The following RBKS variants were observed in gnomAD, a reference collection of about 807,000 sequenced individuals.
RBKS encodes the protein ribokinase.
A neutral mutation model predicts 33.9 loss-of-function variants in RBKS; 33 were observed. That is an observed-to-expected ratio of 0.97 (90% CI 0.74 to 1.30). The LOEUF (loss-of-function observed/expected upper bound fraction) is 1.30, where lower values mean the gene tolerates loss of function less well. RBKS is among the 50% of genes most tolerant of loss of function. RBKS has a pLI of 0.00. For missense variants in RBKS, 361 were observed against 392.6 expected, an observed-to-expected ratio of 0.92 and a Z score of 0.68; for synonymous variants, 125 against 143.0, an observed-to-expected ratio of 0.87 and a Z score of 0.90.
chr2:27,873,044 T>C (rs59526907), intron 1 of RBKS, among the ~76,000 whole-genome samples: 3,659 of 152,156 alleles, frequency 0.024, 173 homozygotes, highest in African/African-American at 0.084. Context: ...GCCAGGGTAA[T>C]GATGGAGCAC....
intron 1 of RBKS, among the ~76,000 whole-genome samples, chr2:27,874,473 A>C (rs1244967000): frequency 6.6e-6 from 1 of 152,244 alleles, no homozygotes; most frequent in Non-Finnish European, 1.5e-5. Flanking sequence ...TCAAGAACTG[A>C]TATCACTGGA....
intron 5 of RBKS, among the ~76,000 whole-genome samples, chr2:27,842,281 T>C (rs1203460875): frequency 2.0e-5 from 3 of 152,122 alleles, no homozygotes; most frequent in African/African-American, 7.2e-5. Flanking sequence ...AAAAGATGAA[T>C]CAAGATTAGC....
At chr2:27,864,876 C>T (rs1664058057) in intron 1 of RBKS, among the ~76,000 whole-genome samples, 1 of 152,188 alleles carries the variant, frequency 6.6e-6, no homozygotes, top group South Asian at 2.1e-4. Context: ...TGCACATGAC[C>T]TACTGACCTT....
At chr2:27,790,458 A>C (rs1573032308) in intron 7 of RBKS, among the ~76,000 whole-genome samples, 1 of 152,334 alleles carries the variant, frequency 6.6e-6, no homozygotes, top group East Asian at 1.9e-4. Flanking sequence ...AATTTATCCA[A>C]ATTTAAAGCC....
At chr2:27,867,372 A>G (rs909379836) in intron 1 of RBKS, among the ~76,000 whole-genome samples, 1 of 152,190 alleles carries the variant, frequency 6.6e-6, no homozygotes, top group Non-Finnish European at 1.5e-5. Flanking sequence ...CAATGGGGTG[A>G]GAACAGGGCA....
intron 7 of RBKS, among the ~76,000 whole-genome samples, chr2:27,815,904 T>C (rs1282548681): frequency 6.6e-6 from 1 of 152,190 alleles, no homozygotes; most frequent in African/African-American, 2.4e-5. Flanking sequence ...CAATGGTTCC[T>C]TTTCTGTACT....
intron 2 of RBKS, among the ~76,000 whole-genome samples, chr2:27,854,966 C>T (rs753328568): frequency 7.9e-5 from 12 of 152,304 alleles, no homozygotes; most frequent in Middle Eastern, 3.4e-3. Flanking sequence ...TGTACCACAT[C>T]GTGCCTATAG....
chr2:27,838,137 C>A (rs568165127), intron 5 of RBKS, among the ~76,000 whole-genome samples: 1 of 152,164 alleles, frequency 6.6e-6, no homozygotes, highest in Non-Finnish European at 1.5e-5. Flanking sequence ...GAGGTGGAGG[C>A]TGCAGTGAGC....
At position 27,887,414 on chromosome 2, in the gene RBKS, G is replaced by A. The variant is rs183545571; in HGVS notation, c.89+2843C>T. ...CAGAACAGTAAAAAAATAAACTTGC[G>A]TTAATTATTAAATTTGGTAATTTGT... is the stretch of plus-strand genomic sequence containing the variant. On this transcript the variant is annotated intron_variant, in intron 1 of 7. Coordinates refer to ENST00000302188, the MANE Select transcript of RBKS (RefSeq NM_022128.3). Among the ~76,000 whole-genome samples the A allele has an allele frequency of 1.6e-4, 25 of 152,254 alleles. No homozygotes were observed. The East Asian group carries it at 3.7e-3, about 22-fold the overall frequency.
intron 7 of RBKS, among the ~76,000 whole-genome samples, chr2:27,826,138 G>A (rs908883509): frequency 1.3e-5 from 2 of 152,124 alleles, no homozygotes; most frequent in African/African-American, 4.8e-5. Context: ...ATTTTGAAAG[G>A]CAACCAGGAT....
At chr2:27,834,932 G>A (rs944609769) in intron 5 of RBKS, among the ~76,000 whole-genome samples, 9 of 152,134 alleles carry the variant, frequency 5.9e-5, no homozygotes, top group African/African-American at 9.7e-5. Context: ...AGCTCTGTTT[G>A]CAATAGAAAA....
chr2:27,832,934 C>T (rs1210025386), intron 5 of RBKS, among the ~76,000 whole-genome samples, 157 bp from the exon 6 acceptor site: 1 of 152,186 alleles, frequency 6.6e-6, no homozygotes, highest in Non-Finnish European at 1.5e-5. Flanking sequence ...TCTGAAATCT[C>T]AATCTTCACG....
At chr2:27,784,748 G>T (rs58314053) in intron 7 of RBKS, among the ~76,000 whole-genome samples, 1 of 152,314 alleles carries the variant, frequency 6.6e-6, no homozygotes, top group East Asian at 1.9e-4. Flanking sequence ...TTGCCAAGGG[G>T]TGATAGTAAT....
chr2:27,822,687 T>C (rs1678234888), intron 7 of RBKS, among the ~76,000 whole-genome samples: 1 of 152,246 alleles, frequency 6.6e-6, no homozygotes, highest in Non-Finnish European at 1.5e-5. Context: ...TGCAGCTGGC[T>C]GCTGCTGCCT....
chr2:27,864,072 G>A (rs544854940), intron 1 of RBKS, among the ~76,000 whole-genome samples: 109 of 152,138 alleles, frequency 7.2e-4, no homozygotes, highest in African/African-American at 2.3e-3. Context: ...TGTTGCCCAG[G>A]CTGGAGTGCA....
chr2:27,789,913 GTGTT>G (rs552677434), intron 7 of RBKS, among the ~76,000 whole-genome samples: 3,817 of 121,412 alleles, frequency 0.031, 221 homozygotes, highest in African/African-American at 0.13. Flanking sequence ...GTGTGTGTGT[GTGTT>G]TGTGTGTGTA....
chr2:27,846,361 T>C (rs1663619917), intron 4 of RBKS, among the ~76,000 whole-genome samples: 1 of 152,194 alleles, frequency 6.6e-6, no homozygotes, highest in Non-Finnish European at 1.5e-5. Context: ...TGAAGTGCAG[T>C]GGTGGGACTG....
intron 1 of RBKS, among the ~76,000 whole-genome samples, chr2:27,883,996 A>T (rs1467358779): frequency 6.6e-6 from 1 of 152,244 alleles, no homozygotes; most frequent in Admixed American, 6.5e-5. Flanking sequence ...GGTAACTGAT[A>T]AGCAACTTTT....
intron 1 of RBKS, among the ~76,000 whole-genome samples, chr2:27,859,230 AT>A (rs1237467497): frequency 6.6e-6 from 1 of 152,216 alleles, no homozygotes; most frequent in Non-Finnish European, 1.5e-5. Flanking sequence ...GAGCTAAGTT[AT>A]TTTTAAATTT....
Sources: allele counts gnomAD v4.1 joint callset (sites outside exome capture counted in the v4.1 genomes callset), GRCh38; gene constraint gnomAD v4.1.1; transcripts MANE v1.5; gene names NCBI Gene and HGNC (gene_info 2026-07-23, HGNC 2026-07-21).